ZC3H18: variants seen among roughly 807,000 people sequenced by gnomAD.
The protein encoded by ZC3H18 is zinc finger CCCH domain-containing protein 18.
ZC3H18 carries 8 observed loss-of-function variants against 106.1 expected under a neutral mutation model. That is an observed-to-expected ratio of 0.08 (90% CI 0.04 to 0.14). The LOEUF (loss-of-function observed/expected upper bound fraction) is 0.14. ZC3H18 is among the 10% of genes least tolerant of loss of function. The pLI, the probability that ZC3H18 is intolerant of heterozygous loss-of-function variation, is 1.00. For missense variants in ZC3H18, 1,318 were observed against 1,278.4 expected, an observed-to-expected ratio of 1.03 and a Z score of -0.47; for synonymous variants, 635 against 522.1, an observed-to-expected ratio of 1.22 and a Z score of -2.95.
chr16:88,600,033 G>A (rs1904665050), intron 6 of ZC3H18, 85 bp downstream of exon 6: 13 of 1,527,602 alleles, frequency 8.5e-6, no homozygotes, highest in East Asian at 4.5e-5. Flanking sequence ...AGGGCCCCAG[G>A]GTGCGCTCGG....
intron 3 of ZC3H18, among the ~76,000 whole-genome samples, chr16:88,595,474 CTTTTTTTTT>C (rs11302563): frequency 1.5e-5 from 2 of 133,570 alleles, no homozygotes; most frequent in Non-Finnish European, 3.1e-5. Context: ...TTCTTTCTTT[CTTTTTTTTT>C]TTTTTTTTTT....
At chr16:88,623,495 G>A (rs74033325) in intron 10 of ZC3H18, 151 bp downstream of exon 10, 80,207 of 1,049,076 alleles carry the variant, frequency 0.076, 3,461 homozygotes, top group African/African-American at 0.11. Context: ...GTCGTGTCCT[G>A]TGTCCCCCAC....
intron 3 of ZC3H18, among the ~76,000 whole-genome samples, chr16:88,587,111 G>A (rs1915484951): frequency 6.6e-6 from 1 of 152,204 alleles, no homozygotes; most frequent in Non-Finnish European, 1.5e-5. Context: ...CGAAGCGTTT[G>A]TTCGTGTGGA....
chr16:88,607,379 AC>A (rs1175006055), intron 6 of ZC3H18, among the ~76,000 whole-genome samples: 1 of 152,012 alleles, frequency 6.6e-6, no homozygotes, highest in Non-Finnish European at 1.5e-5. Flanking sequence ...TTTCATGTGA[AC>A]TTGGGTGTCA....
chr16:88,605,870 G>T (rs749331079), intron 6 of ZC3H18, among the ~76,000 whole-genome samples: 1 of 152,252 alleles, frequency 6.6e-6, no homozygotes. Flanking sequence ...CATGTCCAAT[G>T]GTTCCCCTTA....
chr16:88,626,964 A>G (rs1461511280), intron 13 of ZC3H18: 2 of 152,210 alleles, frequency 1.3e-5, no homozygotes, highest in Non-Finnish European at 2.9e-5. Flanking sequence ...GGCTGAGGCT[A>G]TCTCCCTTTT....
At position 88,598,505 on chromosome 16, in the gene ZC3H18, A is replaced by T. The variant is rs928635177; in HGVS notation, c.838-115A>T. The T allele has an allele frequency of 4.0e-5, 57 of 1,438,342 alleles. No homozygotes were observed. The African/African-American group carries it at 7.6e-4, about 19-fold the overall frequency. 89.1% of individuals were successfully genotyped at this position (1,438,342 alleles called of 1,614,324 possible). On this transcript the variant is annotated intron_variant, in intron 4 of 17. Transcript: ENST00000301011. Reference sequence around the variant, plus strand: ...CGAGGACGGAGTGAGGCTTGGTGGAAGGAGAGCGGCCACACACGGCCGGCT... The same window carrying T: ...CGAGGACGGAGTGAGGCTTGGTGGATGGAGAGCGGCCACACACGGCCGGCT...
intron 3 of ZC3H18, among the ~76,000 whole-genome samples, chr16:88,597,077 C>T (rs532481027): frequency 8.5e-5 from 13 of 152,286 alleles, no homozygotes; most frequent in African/African-American, 2.9e-4. Flanking sequence ...CCTGCCACCA[C>T]GTCCGGCTAA....
intron 3 of ZC3H18, chr16:88,587,630 A>C: frequency 1.3e-6 from 2 of 1,531,048 alleles, no homozygotes; most frequent in Non-Finnish European, 1.8e-6. Flanking sequence ...AATACGCTAT[A>C]TTCACTCTCT....
At chr16:88,616,876 T>A (rs1905641439) in intron 8 of ZC3H18, among the ~76,000 whole-genome samples, 1 of 152,156 alleles carries the variant, frequency 6.6e-6, no homozygotes, top group African/African-American at 2.4e-5. Context: ...GCATGGGGGC[T>A]ACACCCTAGT....
At chr16:88,579,538 C>T (rs1399324695) in intron 2 of ZC3H18, among the ~76,000 whole-genome samples, 2 of 152,164 alleles carry the variant, frequency 1.3e-5, no homozygotes, top group African/African-American at 2.4e-5. Context: ...AGTGCCGCAC[C>T]ATGGGCGCGG....
chr16:88,602,349 T>C (rs1455903430), intron 6 of ZC3H18, among the ~76,000 whole-genome samples: 2 of 152,202 alleles, frequency 1.3e-5, no homozygotes, highest in Admixed American at 1.3e-4. Flanking sequence ...CCTGACCTGT[T>C]TTGGGTCACA....
intron 2 of ZC3H18, among the ~76,000 whole-genome samples, chr16:88,580,156 CTGTGTGTGTGTGTGTGTGTGTGTG>C (rs56406234): frequency 1.1e-4 from 14 of 126,842 alleles, no homozygotes; most frequent in Non-Finnish European, 2.1e-4. Flanking sequence ...ACAGGTTCAT[CTGTGTGTGTGTGTGTGTGTGTGTG>C]TGTGTGTGTG....
intron 1 of ZC3H18, among the ~76,000 whole-genome samples, chr16:88,572,969 A>G (rs181549123): frequency 6.4e-4 from 98 of 152,090 alleles, no homozygotes; most frequent in African/African-American, 2.1e-3. Flanking sequence ...GTGTTGGCCA[A>G]GGTGATCTCG....
chr16:88,592,447 A>ATAGT (rs1229217685), intron 3 of ZC3H18, among the ~76,000 whole-genome samples: 4 of 151,984 alleles, frequency 2.6e-5, no homozygotes, highest in Non-Finnish European at 5.9e-5. Flanking sequence ...GGTCAAAACT[A>ATAGT]TATTTATTTA....
intron 1 of ZC3H18, among the ~76,000 whole-genome samples, chr16:88,573,215 C>T (rs1225893087): frequency 2.0e-5 from 3 of 152,168 alleles, no homozygotes; most frequent in South Asian, 2.1e-4. Flanking sequence ...TTGGGGCATC[C>T]TACTGGGCAC....
chr16:88,624,376 T>A (rs1906160953), intron 11 of ZC3H18: 1 of 719,200 alleles, frequency 1.4e-6, no homozygotes, highest in Non-Finnish European at 2.3e-6. Flanking sequence ...TGCCTGTAGC[T>A]CTTGCCTGTT....
intron 1 of ZC3H18, among the ~76,000 whole-genome samples, chr16:88,576,753 C>T (rs978507794): frequency 6.6e-6 from 1 of 152,250 alleles, no homozygotes; most frequent in Admixed American, 6.5e-5. Context: ...AAATACTCCT[C>T]TAAGAATTCA....
At chr16:88,608,590 T>A (rs1905123291) in intron 6 of ZC3H18, 1 of 162,148 alleles carries the variant, frequency 6.2e-6, no homozygotes, top group Non-Finnish European at 1.3e-5. Context: ...CTCAAACTCC[T>A]GACCTCAGGT....
Sources: gnomAD v4.1 joint callset for allele counts (sites outside exome capture counted in the v4.1 genomes callset) on GRCh38, gnomAD v4.1.1 for gene constraint, MANE v1.5 for transcripts, NCBI Gene and HGNC (gene_info 2026-07-23, HGNC 2026-07-21) for gene names.